The following CDK13 variants were observed in gnomAD, a reference collection of about 807,000 sequenced individuals.
The protein encoded by CDK13 is cyclin dependent kinase 13, also known as cyclin-dependent kinase 13.
In CDK13, 40 loss-of-function variants were observed where a neutral mutation model predicts 137.6. The ratio of observed to expected loss-of-function variants is 0.29; its 90% CI spans 0.23 to 0.38. The LOEUF is 0.38. Ranked by LOEUF, CDK13 falls within the 10% of genes least tolerant of loss-of-function variation. The pLI is 1.00. For missense variants in CDK13, 1,704 were observed against 1,951.8 expected (o/e 0.87, Z 2.39); for synonymous variants, 869 against 760.1 (o/e 1.14, Z -2.36).
intron 1 of CDK13, among the ~76,000 whole-genome samples, chr7:39,962,729 T>G (rs1341275694): frequency 2.0e-5 from 3 of 152,234 alleles, no homozygotes; most frequent in Admixed American, 6.5e-5. Flanking sequence ...CTGAATGGTA[T>G]TGCCTAGGTT....
At chr7:40,008,068 A>G (rs1173273582) in intron 5 of CDK13, among the ~76,000 whole-genome samples, 6 of 152,212 alleles carry the variant, frequency 3.9e-5, no homozygotes, top group Non-Finnish European at 7.3e-5. Flanking sequence ...GTCTGAATTT[A>G]TATTCCCGCA....
At chr7:40,087,646 T>C (rs1381275856) in intron 11 of CDK13, among the ~76,000 whole-genome samples, 1 of 149,876 alleles carries the variant, frequency 6.7e-6, no homozygotes, top group Non-Finnish European at 1.5e-5. Flanking sequence ...CCTCCCGGGT[T>C]CATGCCATTC....
At position 40,095,973 on chromosome 7, in the gene CDK13, T is replaced by G. The variant is rs1787038414; in HGVS notation, c.*993T>G. The G allele has an allele frequency of 6.6e-6, 1 of 152,192 alleles. No homozygotes were observed. Among genetic ancestry groups the G allele is most frequent in the South Asian group, 2.1e-4 (1 of 4,832 alleles). 9.4% of individuals were successfully genotyped at this position (152,192 alleles called of 1,614,324 possible). ...GTTCTACAAAGTTTTGTCATTTAAA[T>G]GGTTGAAAGTAATAGCTCCAGGAGA... On this transcript the variant is annotated 3_prime_UTR_variant, in exon 14 of 14. Transcript: ENST00000181839.
intron 1 of CDK13, among the ~76,000 whole-genome samples, chr7:39,963,658 T>C (rs1205028025): frequency 3.3e-5 from 5 of 152,330 alleles, no homozygotes; most frequent in African/African-American, 9.6e-5. Flanking sequence ...CTTCCAACAC[T>C]ATGTTGAATA....
chr7:39,999,593 AAAT>A, intron 4 of CDK13, 93 bp downstream of exon 4: 1 of 1,247,672 alleles, frequency 8.0e-7, no homozygotes, highest in Non-Finnish European at 1.1e-6. Context: ...ATTTTCCAAA[AAAT>A]TAAATTCAAT....
At chr7:40,001,818 C>T (rs540707119) in intron 4 of CDK13, 43 bp from the exon 5 acceptor site, 2 of 1,229,526 alleles carry the variant, frequency 1.6e-6, no homozygotes, top group East Asian at 2.3e-5. Flanking sequence ...ATGTCATCTG[C>T]TTTTGTTAAC....
chr7:40,070,479 C>T (rs1431512549), intron 9 of CDK13: 1 of 149,214 alleles, frequency 6.7e-6, no homozygotes, highest in Non-Finnish European at 1.5e-5. Context: ...CTTTGGGAGG[C>T]TAAGGCCGGT....
intron 7 of CDK13, among the ~76,000 whole-genome samples, chr7:40,055,156 CTGTGTGTGTGTGTGTGTGTGTGTG>C (rs56001601): frequency 1.9e-4 from 27 of 140,338 alleles, no homozygotes; most frequent in Non-Finnish European, 3.9e-4. Context: ...GGCAGAAGGA[CTGTGTGTGTGTGTGTGTGTGTGTG>C]TGTGTGTGTG....
intron 5 of CDK13, among the ~76,000 whole-genome samples, chr7:40,004,806 A>G (rs558281902): frequency 6.6e-6 from 1 of 152,384 alleles, no homozygotes; most frequent in African/African-American, 2.4e-5. Flanking sequence ...TCAAGTAAAA[A>G]TATTAACTTT....
chr7:40,071,789 C>A (rs974080688), intron 9 of CDK13: 4 of 152,180 alleles, frequency 2.6e-5, no homozygotes, highest in African/African-American at 9.7e-5. Flanking sequence ...ATTCTAATTT[C>A]TCTGGAAAGT....
intron 7 of CDK13, among the ~76,000 whole-genome samples, chr7:40,060,569 A>G (rs955217187): frequency 5.3e-5 from 8 of 152,204 alleles, no homozygotes; most frequent in Non-Finnish European, 1.0e-4. Flanking sequence ...TGTGGGGTTC[A>G]TAATAAAGAA....
At chr7:40,068,612 C>T (rs1430246553) in intron 9 of CDK13, among the ~76,000 whole-genome samples, 6 of 148,214 alleles carry the variant, frequency 4.0e-5, no homozygotes, top group Non-Finnish European at 7.4e-5. Context: ...GAACATCCTG[C>T]CTCAGGTAGC....
rs750592198 is a variant in CDK13 at position 40,078,782 on chromosome 7, G to A, written c.2960G>A (p.Cys987Tyr). The A allele has an allele frequency of 6.4e-7, 1 of 1,557,502 alleles. No homozygotes were observed. Among genetic ancestry groups the A allele is most frequent in the South Asian group, 1.2e-5 (1 of 82,400 alleles). The change falls in exon 11 of 14, where the codon TGC becomes TAC. Residue 987 changes from cysteine to tyrosine, a missense_variant. Cys to Tyr is a radical substitution (Grantham distance 194). Transcript: ENST00000181839. ...YMLALDPSKR[C>Y]TAEQALQCEF... ...CTTGCCTTGGATCCTAGTAAGCGCT[G>A]CACTGCTGAACAGGCTCTTCAGTGC...
chr7:40,076,909 A>G (rs1402988935), intron 9 of CDK13, among the ~76,000 whole-genome samples: 5 of 152,222 alleles, frequency 3.3e-5, no homozygotes, highest in Admixed American at 1.3e-4. Flanking sequence ...ACAATTTTAT[A>G]TATAATAAAC....
At chr7:40,024,438 A>G (rs982029040) in intron 5 of CDK13, among the ~76,000 whole-genome samples, 2 of 152,130 alleles carry the variant, frequency 1.3e-5, no homozygotes, top group Admixed American at 1.3e-4. Context: ...GACAGTAGTA[A>G]TTTCTTGCTA....
intron 9 of CDK13, among the ~76,000 whole-genome samples, chr7:40,065,977 G>C (rs1441246522): frequency 6.6e-6 from 1 of 152,112 alleles, no homozygotes; most frequent in African/African-American, 2.4e-5. Context: ...TCGAGCCCAG[G>C]AGTTTTAGAC....
chr7:40,046,220 C>G (rs897862783), intron 6 of CDK13, among the ~76,000 whole-genome samples, 195 bp downstream of exon 6: 2 of 152,058 alleles, frequency 1.3e-5, no homozygotes, highest in African/African-American at 4.8e-5. Context: ...ACTTGTAATA[C>G]CCATGTCACC....
chr7:40,041,945 AGTTG>A (rs1785615696), intron 5 of CDK13, among the ~76,000 whole-genome samples: 1 of 152,168 alleles, frequency 6.6e-6, no homozygotes, highest in Non-Finnish European at 1.5e-5. Flanking sequence ...AGTGTTATAC[AGTTG>A]CTTTGATTTG....
At chr7:40,019,737 G>A (rs1275792782) in intron 5 of CDK13, among the ~76,000 whole-genome samples, 1 of 152,154 alleles carries the variant, frequency 6.6e-6, no homozygotes, top group Non-Finnish European at 1.5e-5. Flanking sequence ...ACTGTAACAA[G>A]TTGATTTTGG....
Sources: gnomAD v4.1 joint callset for allele counts (sites outside exome capture counted in the v4.1 genomes callset) on GRCh38, gnomAD v4.1.1 for gene constraint, MANE v1.5 for transcripts, NCBI Gene and HGNC (gene_info 2026-07-23, HGNC 2026-07-21) for gene names.